The following SRPK2 variants were observed in gnomAD, a reference collection of about 807,000 sequenced individuals.
SRPK2 encodes the protein SRSF protein kinase 2.
SRPK2 carries 21 observed loss-of-function variants against 90.8 expected under a neutral mutation model. That is an observed-to-expected ratio of 0.23 (90% CI 0.16 to 0.33). The LOEUF (loss-of-function observed/expected upper bound fraction) is 0.33. Among genes scored for constraint, SRPK2 ranks in the 10% least tolerant of loss-of-function variants. The pLI, the probability that SRPK2 is intolerant of heterozygous loss-of-function variation, is 1.00. For synonymous variants in SRPK2, 288 were observed against 311.1 expected (o/e 0.93, Z 0.78); for missense variants, 620 against 869.0 (o/e 0.71, Z 3.60).
intron 2 of SRPK2, among the ~76,000 whole-genome samples, chr7:105,276,141 G>GT (rs1806459392): frequency 6.6e-6 from 1 of 151,956 alleles, no homozygotes; most frequent in East Asian, 1.9e-4. Context: ...GAGTGCAGTG[G>GT]TGCAACGATA....
intron 2 of SRPK2, chr7:105,301,872 T>A (rs1367901042): frequency 1.3e-6 from 2 of 1,586,640 alleles, no homozygotes; most frequent in African/African-American, 2.7e-5. Context: ...CACAATCCCA[T>A]TAATTCCACA....
intron 11 of SRPK2, among the ~76,000 whole-genome samples, chr7:105,136,823 C>T (rs886338731): frequency 6.6e-6 from 1 of 152,164 alleles, no homozygotes; most frequent in Non-Finnish European, 1.5e-5. Context: ...GTTGCCACCT[C>T]AACCATTCGT....
chr7:105,170,725 G>T (rs538588955), intron 3 of SRPK2, among the ~76,000 whole-genome samples: 1 of 104,048 alleles, frequency 9.6e-6, no homozygotes, highest in East Asian at 3.3e-4. Context: ...AGAAAGAAAA[G>T]GAAAGAAAGG....
At chr7:105,257,483 C>A (rs1289716770) in intron 2 of SRPK2, among the ~76,000 whole-genome samples, 1 of 152,218 alleles carries the variant, frequency 6.6e-6, no homozygotes. Flanking sequence ...TTGAATTACA[C>A]TGAATCAAAT....
chr7:105,263,646 G>A (rs956165939), intron 2 of SRPK2, among the ~76,000 whole-genome samples: 8 of 151,962 alleles, frequency 5.3e-5, no homozygotes, highest in Non-Finnish European at 1.2e-4. Context: ...ATGAATCACA[G>A]ACTTAAATGT....
At chr7:105,246,326 G>A (rs1235015890) in intron 2 of SRPK2, among the ~76,000 whole-genome samples, 1 of 152,158 alleles carries the variant, frequency 6.6e-6, no homozygotes, top group Non-Finnish European at 1.5e-5. Context: ...AAAACTGAAT[G>A]AAGCACAGGC....
At chr7:105,159,464 A>AAAAAAAAAAAAAAAAAAAAAAAAAAAAAC (rs1807168874) in intron 7 of SRPK2, among the ~76,000 whole-genome samples, 1 of 141,596 alleles carries the variant, frequency 7.1e-6, no homozygotes, top group Admixed American at 6.8e-5. Flanking sequence ...AAAAAAAAAA[A>AAAAAAAAAAAAAAAAAAAAAAAAAAAAAC]AAAAAAAAAC....
At chr7:105,285,152 G>C (rs764336414) in intron 2 of SRPK2, among the ~76,000 whole-genome samples, 2 of 152,054 alleles carry the variant, frequency 1.3e-5, no homozygotes, top group African/African-American at 2.4e-5. Flanking sequence ...TTGGAAGCCC[G>C]AGGCAGGAGG....
At chr7:105,203,473 C>G (rs1795815529) in intron 3 of SRPK2, among the ~76,000 whole-genome samples, 155 bp downstream of exon 3, 1 of 152,082 alleles carries the variant, frequency 6.6e-6, no homozygotes, top group Non-Finnish European at 1.5e-5. Context: ...ATACAATGAC[C>G]TAAGAATTTA....
rs1408311048 is a variant in SRPK2 at position 105,170,778 on chromosome 7, A to AGGAAGGAAGGAAGGAAGGAAGGAC, written c.230-1514_230-1513insGTCCTTCCTTCCTTCCTTCCTTCC. Among the ~76,000 whole-genome samples, 13 of 78,112 alleles carry AGGAAGGAAGGAAGGAAGGAAGGAC rather than the reference A, an allele frequency of 1.7e-4. 1 individual carries two copies. The highest frequency in any genetic ancestry group is 5.8e-4 in the African/African-American group (11 of 18,996). The allele number at this position is 78,112 out of a possible 152,430, so 51.2% of individuals were successfully genotyped here. A position where few individuals can be genotyped will look rare whatever the true frequency, so the allele number is the denominator to read the frequency against. On this transcript the variant is annotated intron_variant, in intron 3 of 15. Transcript: ENST00000393651. ...AAGGAAGGAAGGAAGGAAGGAAGGA[A>AGGAAGGAAGGAAGGAAGGAAGGAC]GGACGGGAGGGAGGGAGGGAGGGAG...
At chr7:105,247,122 T>C (rs1324719656) in intron 2 of SRPK2, among the ~76,000 whole-genome samples, 1 of 152,160 alleles carries the variant, frequency 6.6e-6, no homozygotes, top group Non-Finnish European at 1.5e-5. Flanking sequence ...TCCATGGGCT[T>C]TTTAACGACT....
chr7:105,170,926 AAG>A (rs1491038985), intron 3 of SRPK2, among the ~76,000 whole-genome samples: 1 of 114,292 alleles, frequency 8.7e-6, no homozygotes, highest in Non-Finnish European at 1.8e-5. Flanking sequence ...GAGAAAGAAA[AAG>A]AAAAAGGAAA....
At chr7:105,302,421 T>C (rs558296116) in intron 2 of SRPK2, among the ~76,000 whole-genome samples, 38 of 152,202 alleles carry the variant, frequency 2.5e-4, no homozygotes, top group Non-Finnish European at 1.5e-4. Flanking sequence ...TAAAGGAGTA[T>C]GAAGCCCTTT....
intron 2 of SRPK2, among the ~76,000 whole-genome samples, chr7:105,308,180 A>C (rs1399370441): frequency 6.6e-6 from 1 of 152,158 alleles, no homozygotes; most frequent in African/African-American, 2.4e-5. Context: ...AAAAGTTTGC[A>C]CTAAGGGGAA....
In SRPK2 at chr7:105,301,406, G is replaced by A. The variant is rs374486899; in HGVS notation, c.71+87242C>T. On this transcript the variant is annotated intron_variant, in intron 2 of 15. Transcript: ENST00000393651. ...CACCTGCCAGTGCCAAGACTGTGCC[G>A]CCCCCACAACCAAGGCGCCAAAGGG... 508 of 640,580 alleles carry A rather than the reference G, an allele frequency of 7.9e-4. 8 individuals carry two copies. The South Asian group carries it at 8.6e-3, about 11-fold the overall frequency. The allele number at this position is 640,580 out of a possible 1,614,324, so 39.7% of individuals were successfully genotyped here. A position where few individuals can be genotyped will look rare whatever the true frequency, so the allele number is the denominator to read the frequency against.
chr7:105,141,963 C>G, intron 11 of SRPK2, 45 bp downstream of exon 11: 1 of 1,570,828 alleles, frequency 6.4e-7, no homozygotes, highest in Non-Finnish European at 8.6e-7. Flanking sequence ...AAGGCACGTC[C>G]CTGGAGTCAG....
intron 2 of SRPK2, among the ~76,000 whole-genome samples, chr7:105,332,120 C>T (rs1306660116): frequency 6.6e-6 from 1 of 152,040 alleles, no homozygotes; most frequent in Non-Finnish European, 1.5e-5. Flanking sequence ...TAATAAAAGG[C>T]AATATTCTAA....
At chr7:105,234,096 G>C (rs1052560586) in intron 2 of SRPK2, among the ~76,000 whole-genome samples, 3 of 151,946 alleles carry the variant, frequency 2.0e-5, no homozygotes, top group Admixed American at 1.3e-4. Flanking sequence ...TTAGATCCCT[G>C]TTTTAAACAG....
chr7:105,365,509 ATT>A (rs1818938640), intron 2 of SRPK2, among the ~76,000 whole-genome samples: 9 of 124,786 alleles, frequency 7.2e-5, no homozygotes, highest in African/African-American at 2.8e-4. Flanking sequence ...AAAAAAAAAA[ATT>A]ATATATATAT....
Sources: gnomAD v4.1 joint callset for allele counts (sites outside exome capture counted in the v4.1 genomes callset) on GRCh38, gnomAD v4.1.1 for gene constraint, MANE v1.5 for transcripts, NCBI Gene and HGNC (gene_info 2026-07-23, HGNC 2026-07-21) for gene names.